The following LRMDA variants were observed in gnomAD, a reference collection of about 807,000 sequenced individuals.
LRMDA encodes the protein leucine-rich melanocyte differentiation-associated protein.
In LRMDA, 18 loss-of-function variants were observed where a neutral mutation model predicts 29.8. The observed-to-expected ratio is 0.60, with a 90% confidence interval of 0.42 to 0.90. The LOEUF (loss-of-function observed/expected upper bound fraction) is 0.90, where lower values mean the gene tolerates loss of function less well. LRMDA is among the 40% of genes least tolerant of loss of function. LRMDA has a pLI of 0.00. For synonymous variants in LRMDA, 125 were observed against 109.4 expected (o/e 1.14, Z -0.89); for missense variants, 273 against 273.9 (o/e 1.00, Z 0.02).
chr10:75,924,539 G>A (rs1010151728), intron 2 of LRMDA, among the ~76,000 whole-genome samples: 1 of 152,212 alleles, frequency 6.6e-6, no homozygotes, highest in Non-Finnish European at 1.5e-5. Context: ...AGGATGATGG[G>A]AAGTGACAGT....
chr10:75,925,149 T>C (rs1846098408), intron 2 of LRMDA, among the ~76,000 whole-genome samples: 1 of 152,232 alleles, frequency 6.6e-6, no homozygotes, highest in South Asian at 2.1e-4. Context: ...TGTGAGGATG[T>C]GACACTTTAG....
At chr10:76,278,099 A>G (rs1840158854) in intron 5 of LRMDA, among the ~76,000 whole-genome samples, 1 of 152,208 alleles carries the variant, frequency 6.6e-6, no homozygotes, top group Non-Finnish European at 1.5e-5. Flanking sequence ...ATTTGGATGC[A>G]TTAATGAGAA....
At chr10:75,706,732 C>CT (rs61099708) in intron 2 of LRMDA, among the ~76,000 whole-genome samples, 3,551 of 126,168 alleles carry the variant, frequency 0.028, 181 homozygotes, top group African/African-American at 0.085. Flanking sequence ...ATTGGTACCA[C>CT]TTTTTTTTTT....
At chr10:75,565,439 A>G (rs1387699652) in intron 2 of LRMDA, among the ~76,000 whole-genome samples, 2 of 152,240 alleles carry the variant, frequency 1.3e-5, no homozygotes, top group African/African-American at 4.8e-5. Context: ...GTTTGACTGC[A>G]TCAGTGAGAG....
intron 6 of LRMDA, among the ~76,000 whole-genome samples, chr10:76,463,900 C>G (rs1564548724): frequency 7.2e-6 from 1 of 139,364 alleles, no homozygotes; most frequent in African/African-American, 2.6e-5. Flanking sequence ...GCCTGGCACA[C>G]AGTAGGTGCA....
chr10:76,385,139 C>A (rs1318388408), intron 6 of LRMDA, among the ~76,000 whole-genome samples: 1 of 152,174 alleles, frequency 6.6e-6, no homozygotes, highest in African/African-American at 2.4e-5. Context: ...TCAACTCTTT[C>A]CCATTTGAAT....
intron 6 of LRMDA, among the ~76,000 whole-genome samples, chr10:76,428,352 G>T (rs535114001): frequency 2.0e-4 from 31 of 152,246 alleles, no homozygotes; most frequent in Non-Finnish European, 1.0e-4. Context: ...TAGGTGTCCA[G>T]ACCTTCATCC....
intron 2 of LRMDA, among the ~76,000 whole-genome samples, chr10:75,618,931 T>C (rs1841145561): frequency 6.6e-6 from 1 of 151,988 alleles, no homozygotes; most frequent in Admixed American, 6.6e-5. Context: ...TACAGGTGCG[T>C]GCCACCACTC....
intron 6 of LRMDA, among the ~76,000 whole-genome samples, chr10:76,471,284 G>A (rs1842615277): frequency 6.6e-6 from 1 of 151,582 alleles, no homozygotes; most frequent in Non-Finnish European, 1.5e-5. Context: ...AATATAATGT[G>A]TATAACAATA....
chr10:76,111,810 G>T (rs1032807730), intron 5 of LRMDA, among the ~76,000 whole-genome samples: 1 of 33,430 alleles, frequency 3.0e-5, no homozygotes, highest in Non-Finnish European at 4.7e-5. Context: ...AAATGGGGGT[G>T]GGGGGGGGCG....
At chr10:75,766,179 T>C (rs2132231456) in intron 2 of LRMDA, among the ~76,000 whole-genome samples, 1 of 152,306 alleles carries the variant, frequency 6.6e-6, no homozygotes, top group Non-Finnish European at 1.5e-5. Flanking sequence ...CAACTTACTT[T>C]TACAAAGTAA....
chr10:75,582,124 C>T (rs1422225926), intron 2 of LRMDA, among the ~76,000 whole-genome samples: 2 of 152,166 alleles, frequency 1.3e-5, no homozygotes, highest in African/African-American at 2.4e-5. Flanking sequence ...GGGGGAAGCT[C>T]TTGCTGGATC....
At chr10:75,680,007 G>T (rs1747248850) in intron 2 of LRMDA, among the ~76,000 whole-genome samples, 1 of 152,220 alleles carries the variant, frequency 6.6e-6, no homozygotes, top group African/African-American at 2.4e-5. Flanking sequence ...GTCTGACTAG[G>T]TTTAGTTGGT....
intron 2 of LRMDA, among the ~76,000 whole-genome samples, chr10:75,843,269 T>C (rs1844573522): frequency 6.6e-6 from 1 of 152,230 alleles, no homozygotes; most frequent in Non-Finnish European, 1.5e-5. Flanking sequence ...TCTTAATGTG[T>C]TTAGCTCAAT....
chr10:76,465,871 T>C (rs1352768492), intron 6 of LRMDA, among the ~76,000 whole-genome samples: 1 of 152,124 alleles, frequency 6.6e-6, no homozygotes, highest in Non-Finnish European at 1.5e-5. Context: ...TCACATGGTC[T>C]TCCCTCTGTG....
At chr10:75,987,566 A>G (rs920683614) in intron 2 of LRMDA, among the ~76,000 whole-genome samples, 11 of 152,168 alleles carry the variant, frequency 7.2e-5, no homozygotes, top group African/African-American at 2.2e-4. Flanking sequence ...CCAGATTTGA[A>G]TCCTGTATTA....
intron 2 of LRMDA, among the ~76,000 whole-genome samples, chr10:75,446,676 G>C (rs1395833236): frequency 1.3e-5 from 2 of 152,196 alleles, no homozygotes; most frequent in Non-Finnish European, 2.9e-5. Flanking sequence ...AGATTTTGGA[G>C]TTACTTGTTA....
intron 5 of LRMDA, among the ~76,000 whole-genome samples, chr10:76,136,597 T>G (rs1470196929): frequency 1.5e-5 from 2 of 130,430 alleles, no homozygotes; most frequent in African/African-American, 2.9e-5. Context: ...TACATACAAG[T>G]GAACTTTTAA....
intron 2 of LRMDA, among the ~76,000 whole-genome samples, chr10:75,963,929 T>C (rs192003672): frequency 6.6e-6 from 1 of 152,340 alleles, no homozygotes; most frequent in East Asian, 1.9e-4. Flanking sequence ...CAGGCTTGCT[T>C]TAATCCTTCT....
Sources: gnomAD v4.1 joint callset for allele counts (sites outside exome capture counted in the v4.1 genomes callset) on GRCh38, gnomAD v4.1.1 for gene constraint, MANE v1.5 for transcripts, NCBI Gene and HGNC (gene_info 2026-07-23, HGNC 2026-07-21) for gene names.